CDC20B: variants seen among roughly 807,000 people sequenced by gnomAD.
CDC20B encodes the protein cell division cycle 20B, also known as cell division cycle protein 20 homolog B.
Under a neutral mutation model 64.1 loss-of-function variants are expected in CDC20B, and 58 were observed. The observed-to-expected ratio is 0.90, with a 90% CI of 0.73 to 1.13. The LOEUF (loss-of-function observed/expected upper bound fraction) is 1.13, where lower values mean the gene tolerates loss of function less well. CDC20B is among the 50% of genes most tolerant of loss of function. The probability of loss-of-function intolerance (pLI) is 0.00; values close to 1 mark genes in which losing one functional copy is unlikely to be tolerated. For missense variants in CDC20B, 597 were observed against 633.0 expected (o/e 0.94, Z 0.61); for synonymous variants, 243 against 230.6 (o/e 1.05, Z -0.49).
rs1397865607 is a variant in CDC20B at position 55,113,405 on chromosome 5, A to C, written c.*813T>G. ...GCTGAGGACTCCAGAGGTTGAGGTC[A>C]AAGGTGTTTGGTAATAGGTTGTCCT... On this transcript the variant is annotated 3_prime_UTR_variant, in exon 12 of 12. Transcript: ENST00000381375. 1 of 152,406 alleles carries C rather than the reference A, an allele frequency of 6.6e-6. No homozygotes were observed. The highest frequency in any genetic ancestry group is 1.5e-5 in the Non-Finnish European group (1 of 68,196). 9.4% of individuals were successfully genotyped at this position (152,406 alleles called of 1,614,324 possible). A position where few individuals can be genotyped will look rare whatever the true frequency, so the allele number is the denominator to read the frequency against.
intron 2 of CDC20B, among the ~76,000 whole-genome samples, chr5:55,168,893 A>G (rs976373937): frequency 6.6e-6 from 1 of 152,214 alleles, no homozygotes; most frequent in Non-Finnish European, 1.5e-5. Flanking sequence ...TTTGGGTGAT[A>G]GGTTCACTAG....
At chr5:55,140,199 T>C in intron 5 of CDC20B, 115 bp downstream of exon 5, 1 of 544,118 alleles carries the variant, frequency 1.8e-6, no homozygotes, top group Non-Finnish European at 3.1e-6. Flanking sequence ...TATTTTACAA[T>C]TAGGTTGATT....
chr5:55,126,487 A>AAAAAAAAAAAAAAAAATC (rs1742897984), intron 8 of CDC20B: 1 of 272,288 alleles, frequency 3.7e-6, no homozygotes. Context: ...AAAAAAAAAA[A>AAAAAAAAAAAAAAAAATC]CAGTCTTTGG....
intron 8 of CDC20B, 51 bp from the exon 9 acceptor site, chr5:55,125,079 T>C (rs1742852426): frequency 2.1e-6 from 3 of 1,452,764 alleles, no homozygotes; most frequent in Non-Finnish European, 9.6e-7. Flanking sequence ...CATAAACATT[T>C]GAAAACATGG....
In CDC20B at chr5:55,160,239, C is replaced by T. The variant is rs201473174; in HGVS notation, c.126+12349G>A. On this transcript the variant is annotated intron_variant, in intron 2 of 11. Coordinates refer to ENST00000381375, the MANE Select transcript of CDC20B (RefSeq NM_001170402.1). Reference sequence around the variant, plus strand: ...CCGCTAAAATGTTCCGGGCCCAGAGCAAAGGTATTTGCAGTTTTGCTGTCT... The same window carrying T: ...CCGCTAAAATGTTCCGGGCCCAGAGTAAAGGTATTTGCAGTTTTGCTGTCT... 5.0e-6 allele frequency: 8 copies of T among 1,614,098 alleles called. No homozygotes were observed. The Admixed American group carries it at 8.3e-5, about 17-fold the overall frequency.
intron 7 of CDC20B, among the ~76,000 whole-genome samples, chr5:55,128,115 GTA>G (rs1742939122): frequency 6.6e-6 from 1 of 152,060 alleles, no homozygotes; most frequent in African/African-American, 2.4e-5. Flanking sequence ...AGAACTGAAA[GTA>G]TCTTCCTCTC....
chr5:55,123,337 A>T (rs1049814358), intron 9 of CDC20B, among the ~76,000 whole-genome samples: 1 of 152,156 alleles, frequency 6.6e-6, no homozygotes, highest in Admixed American at 6.6e-5. Flanking sequence ...AGGCTCAGAA[A>T]TTCCCCTGAG....
chr5:55,154,683 G>A (rs1057064411), intron 2 of CDC20B, among the ~76,000 whole-genome samples: 3 of 152,182 alleles, frequency 2.0e-5, no homozygotes, highest in African/African-American at 7.2e-5. Flanking sequence ...AGAGAGCACA[G>A]TTTGAATATA....
intron 2 of CDC20B, among the ~76,000 whole-genome samples, chr5:55,163,235 C>A (rs1175864794): frequency 6.6e-6 from 1 of 151,982 alleles, no homozygotes; most frequent in Non-Finnish European, 1.5e-5. Context: ...AAAAGGATAT[C>A]ATGGCTGGGC....
chr5:55,131,996 G>C (rs1163726195), intron 6 of CDC20B, among the ~76,000 whole-genome samples: 1 of 152,008 alleles, frequency 6.6e-6, no homozygotes, highest in African/African-American at 2.4e-5. Flanking sequence ...CTTAAACCCA[G>C]GAGGCGGAGG....
At position 55,118,050 on chromosome 5, in the gene CDC20B, C is replaced by T. The variant is rs185704686; in HGVS notation, c.1459+1751G>A. Among the ~76,000 whole-genome samples the T allele has an allele frequency of 1.2e-3, 177 of 151,792 alleles. 2 individuals are homozygous for T. In the East Asian group the frequency reaches 0.031, roughly 27 times the overall value. ...AGGAGAATTGCTTGAACTTGGGAGG[C>T]GGAGGTTGCAGTGAGCCGAGATGGT... On this transcript the variant is annotated intron_variant, in intron 11 of 11. Coordinates refer to ENST00000381375, the MANE Select transcript of CDC20B (RefSeq NM_001170402.1).
chr5:55,134,090 A>G (rs1393077820), intron 5 of CDC20B, among the ~76,000 whole-genome samples: 1 of 152,120 alleles, frequency 6.6e-6, no homozygotes, highest in Non-Finnish European at 1.5e-5. Flanking sequence ...GGTTAATTTT[A>G]CCCATGACTA....
intron 2 of CDC20B, among the ~76,000 whole-genome samples, chr5:55,150,408 G>C (rs969624854): frequency 6.6e-6 from 1 of 152,220 alleles, no homozygotes; most frequent in Non-Finnish European, 1.5e-5. Flanking sequence ...AAGCGTGTGT[G>C]AGGGTGCTGG....
intron 2 of CDC20B, among the ~76,000 whole-genome samples, chr5:55,156,900 A>T (rs1339957102): frequency 6.6e-6 from 1 of 152,188 alleles, no homozygotes; most frequent in Non-Finnish European, 1.5e-5. Context: ...AAATAAAAAA[A>T]TAAGTCATTT....
intron 2 of CDC20B, among the ~76,000 whole-genome samples, chr5:55,149,387 CAA>C (rs1475292786): frequency 2.6e-5 from 4 of 152,162 alleles, no homozygotes; most frequent in African/African-American, 9.7e-5. Context: ...TACTCAAACT[CAA>C]ATTCATGTGC....
At chr5:55,137,654 A>G in intron 5 of CDC20B, 1 of 456,728 alleles carries the variant, frequency 2.2e-6, no homozygotes, top group South Asian at 1.5e-5. Context: ...AAGGGGAGAG[A>G]CATAGGTAAG....
intron 2 of CDC20B, among the ~76,000 whole-genome samples, chr5:55,170,022 G>A (rs2111616031): frequency 6.6e-6 from 1 of 152,252 alleles, no homozygotes; most frequent in South Asian, 2.1e-4. Context: ...GCTGAGGCAG[G>A]AGAATGGCGT....
chr5:55,156,704 T>C (rs917259840), intron 2 of CDC20B, among the ~76,000 whole-genome samples: 13 of 151,892 alleles, frequency 8.6e-5, no homozygotes, highest in Non-Finnish European at 1.3e-4. Flanking sequence ...TGAAACCCCA[T>C]CACTACTAAA....
intron 2 of CDC20B, among the ~76,000 whole-genome samples, chr5:55,155,412 A>G (rs1743780810): frequency 1.3e-5 from 2 of 152,130 alleles, no homozygotes; most frequent in East Asian, 3.9e-4. Flanking sequence ...CTAGAACCTC[A>G]AGAGAAAGAT....
Sources: gnomAD v4.1 joint callset for allele counts (sites outside exome capture counted in the v4.1 genomes callset) on GRCh38, gnomAD v4.1.1 for gene constraint, MANE v1.5 for transcripts, NCBI Gene and HGNC (gene_info 2026-07-23, HGNC 2026-07-21) for gene names.